The following ACACA variants were observed in gnomAD, a reference collection of about 807,000 sequenced individuals.
ACACA encodes the protein acetyl-CoA carboxylase 1.
ACACA carries 103 observed loss-of-function variants against 296.1 expected under a neutral mutation model. The observed-to-expected ratio is 0.35, with a 90% CI of 0.30 to 0.41. The LOEUF (loss-of-function observed/expected upper bound fraction) is 0.41, where lower values mean the gene tolerates loss of function less well. ACACA is among the 10% of genes least tolerant of loss of function. ACACA has a pLI of 1.00. For missense variants in ACACA, 1,554 were observed against 2,989.7 expected, an observed-to-expected ratio of 0.52 and a Z score of 11.20; for synonymous variants, 953 against 1,038.6, an observed-to-expected ratio of 0.92 and a Z score of 1.58.
chr17:37,108,912 G>A (rs1007750519), intron 52 of ACACA, among the ~76,000 whole-genome samples: 1 of 152,206 alleles, frequency 6.6e-6, no homozygotes, highest in African/African-American at 2.4e-5. Flanking sequence ...GTATTCAGTT[G>A]AGGAAAAATC....
rs73982300 is a variant in ACACA at position 37,274,800 on chromosome 17, A to C, written c.902-501T>G. On this transcript the variant is annotated intron_variant, in intron 8 of 55. Coordinates refer to ENST00000616317, the MANE Select transcript of ACACA (RefSeq NM_198834.3). ...GGGAACACTATAGCCTCTCCATTCA[A>C]ACAAGAACAAATTCAACCTTTTATT... is the stretch of plus-strand genomic sequence containing the variant. The C allele has an allele frequency of 4.7e-4, 149 of 315,858 alleles. 1 individual carries two copies. Among genetic ancestry groups the C allele is most frequent in the African/African-American group, 3.3e-3 (147 of 44,486 alleles). The allele number at this position is 315,858 out of a possible 1,614,324, so 19.6% of individuals were successfully genotyped here. A position where few individuals can be genotyped will look rare whatever the true frequency, so the allele number is the denominator to read the frequency against.
At chr17:37,347,759 AGAAAGAAAG>A (rs2048697314) in intron 1 of ACACA, among the ~76,000 whole-genome samples, 3 of 146,496 alleles carry the variant, frequency 2.0e-5, no homozygotes, top group African/African-American at 8.0e-5. Context: ...AAAAAAAAAA[AGAAAGAAAG>A]AAAAAAAATT....
At chr17:37,294,862 C>T (rs948882903) in intron 3 of ACACA, among the ~76,000 whole-genome samples, 1 of 152,230 alleles carries the variant, frequency 6.6e-6, no homozygotes, top group Non-Finnish European at 1.5e-5. Context: ...TAGGTGGGCA[C>T]TGGTGCTGCT....
Position 37,180,579 on chromosome 17 carries a change from T to C in ACACA, c.4932+622A>G, listed in dbSNP as rs180994773. 3.9e-5 allele frequency among the ~76,000 whole-genome samples: 6 copies of C among 152,308 alleles called. No individual in the cohort carries two copies. The East Asian group carries it at 7.7e-4, about 20-fold the overall frequency. ...ATACACTTTTCTTGCCTTCTATTGA[T>C]AGAAGAAAAATCTGCAGCATAGAGA... On this transcript the variant is annotated intron_variant, in intron 40 of 55. Coordinates refer to ENST00000616317, the MANE Select transcript of ACACA (RefSeq NM_198834.3).
chr17:37,400,048 T>C lies in ACACA; in HGVS notation c.38+6214A>G, dbSNP rs1297270712. On this transcript the variant is annotated intron_variant, in intron 1 of 55. Transcript: ENST00000616317. ...TATACCCATTACCGCAAATACTTATTTTTTTGTGTGGTAAGAACAACTAAA... is the reference window on the plus strand; with the variant it reads ...TATACCCATTACCGCAAATACTTATCTTTTTGTGTGGTAAGAACAACTAAA... Among the ~76,000 whole-genome samples, 4 of 152,068 alleles carry C rather than the reference T, an allele frequency of 2.6e-5. No homozygotes were observed. The East Asian group carries it at 7.7e-4, about 29-fold the overall frequency.
chr17:37,130,590 T>TA (rs5820207), intron 45 of ACACA, among the ~76,000 whole-genome samples: 87 of 147,056 alleles, frequency 5.9e-4, no homozygotes, highest in South Asian at 8.8e-4. Flanking sequence ...AATAAAAAAT[T>TA]AAAAAAAAAA....
At chr17:37,312,572 T>C (rs571618156) in intron 3 of ACACA, among the ~76,000 whole-genome samples, 1 of 152,352 alleles carries the variant, frequency 6.6e-6, no homozygotes, top group Admixed American at 6.5e-5. Context: ...GGGGTTGTTA[T>C]CTTGGGCTTT....
chr17:37,186,201 T>C (rs1347291844), intron 39 of ACACA, among the ~76,000 whole-genome samples: 1 of 152,242 alleles, frequency 6.6e-6, no homozygotes, highest in Non-Finnish European at 1.5e-5. Context: ...CATGAAAATA[T>C]GTACACATTT....
At chr17:37,142,747 G>A (rs950833814) in intron 45 of ACACA, among the ~76,000 whole-genome samples, 11 of 152,198 alleles carry the variant, frequency 7.2e-5, no homozygotes, top group Admixed American at 4.6e-4. Flanking sequence ...ACCCTGTCAC[G>A]ACTGAACATC....
At chr17:37,192,411 G>C in intron 36 of ACACA, 106 bp from the exon 37 acceptor site, 1 of 1,110,150 alleles carries the variant, frequency 9.0e-7, no homozygotes, top group Non-Finnish European at 1.3e-6. Flanking sequence ...CATAAGCTAT[G>C]ATGTGCTAAT....
chr17:37,350,756 T>C (rs1342186360), intron 1 of ACACA, among the ~76,000 whole-genome samples: 1 of 151,854 alleles, frequency 6.6e-6, no homozygotes, highest in African/African-American at 2.4e-5. Flanking sequence ...GGAGAATCGC[T>C]TGAACCTGGG....
At chr17:37,314,001 TAG>T (rs984094426) in intron 3 of ACACA, among the ~76,000 whole-genome samples, 1 of 151,718 alleles carries the variant, frequency 6.6e-6, no homozygotes, top group Non-Finnish European at 1.5e-5. Context: ...TGTAATAAAA[TAG>T]AGAGTATATC....
chr17:37,114,661 A>C (rs1255481801), intron 50 of ACACA, among the ~76,000 whole-genome samples: 2 of 152,202 alleles, frequency 1.3e-5, no homozygotes, highest in Non-Finnish European at 2.9e-5. Context: ...TTTATTTCCC[A>C]ACTTTTTATG....
At chr17:37,163,190 C>T (rs1490490708) in intron 41 of ACACA, 5 of 54,398 alleles carry the variant, frequency 9.2e-5, no homozygotes, top group Admixed American at 2.5e-4. Context: ...AAAAATGTCA[C>T]GGTGCTAAAA....
At chr17:37,231,735 A>G (rs1885614383) in intron 25 of ACACA, among the ~76,000 whole-genome samples, 1 of 152,250 alleles carries the variant, frequency 6.6e-6, no homozygotes, top group African/African-American at 2.4e-5. Flanking sequence ...CTTACCATCA[A>G]GGTGGCTAGA....
At chr17:37,268,733 C>CTATA (rs1402309165) in intron 10 of ACACA, among the ~76,000 whole-genome samples, 27 of 70,814 alleles carry the variant, frequency 3.8e-4, no homozygotes, top group African/African-American at 1.6e-3. Context: ...ATCTATCTAT[C>CTATA]TATCTATCTA....
intron 2 of ACACA, among the ~76,000 whole-genome samples, chr17:37,334,935 C>T (rs1337232226): frequency 6.6e-6 from 1 of 152,126 alleles, no homozygotes; most frequent in Non-Finnish European, 1.5e-5. Flanking sequence ...CATGCAAATA[C>T]TCATTATTGG....
At chr17:37,305,870 A>G (rs2083850492) in intron 3 of ACACA, among the ~76,000 whole-genome samples, 1 of 144,236 alleles carries the variant, frequency 6.9e-6, no homozygotes, top group South Asian at 2.2e-4. Context: ...ACAAACTCCT[A>G]CTGTTTTACG....
intron 10 of ACACA, among the ~76,000 whole-genome samples, chr17:37,265,928 T>C (rs945621957): frequency 6.6e-6 from 1 of 152,208 alleles, no homozygotes; most frequent in African/African-American, 2.4e-5. Context: ...GAGGTCACTT[T>C]TCATTTTGAA....
Sources: allele counts gnomAD v4.1 joint callset (sites outside exome capture counted in the v4.1 genomes callset), GRCh38; gene constraint gnomAD v4.1.1; transcripts MANE v1.5; gene names NCBI Gene and HGNC (gene_info 2026-07-23, HGNC 2026-07-21).